TNPO3: variants seen among roughly 807,000 people sequenced by gnomAD.
TNPO3 encodes the protein transportin-3.
A neutral mutation model predicts 122.8 loss-of-function variants in TNPO3; 65 were observed. The observed-to-expected ratio is 0.53, with a 90% CI of 0.43 to 0.65. The LOEUF (loss-of-function observed/expected upper bound fraction) is 0.65. Among genes scored for constraint, TNPO3 ranks in the 30% least tolerant of loss-of-function variants. The pLI, the probability that TNPO3 is intolerant of heterozygous loss-of-function variation, is 0.00. For synonymous variants in TNPO3, 372 were observed against 411.2 expected (o/e 0.90, Z 1.15); for missense variants, 850 against 1,136.7 (o/e 0.75, Z 3.63).
chr7:129,024,578 G>A (rs966627681), intron 1 of TNPO3, among the ~76,000 whole-genome samples: 2 of 152,058 alleles, frequency 1.3e-5, no homozygotes, highest in Non-Finnish European at 2.9e-5. Flanking sequence ...AATAACAAGG[G>A]AATCAAATCT....
chr7:129,045,497 GA>G (rs766170949), intron 1 of TNPO3, among the ~76,000 whole-genome samples: 25 of 84,782 alleles, frequency 2.9e-4, no homozygotes, highest in Non-Finnish European at 3.8e-4. Context: ...CCCTGTCTCA[GA>G]AAAAAAAAAA....
chr7:128,978,472 T>C (rs1799301757), intron 16 of TNPO3, among the ~76,000 whole-genome samples: 1 of 152,172 alleles, frequency 6.6e-6, no homozygotes, highest in Non-Finnish European at 1.5e-5. Context: ...TCACAGAATT[T>C]CACAATGGAC....
At chr7:128,955,935 C>T (rs542909014) in intron 22 of TNPO3, among the ~76,000 whole-genome samples, 8 of 152,272 alleles carry the variant, frequency 5.3e-5, no homozygotes, top group East Asian at 1.9e-4. Context: ...ATTGTTGAAC[C>T]TCAATTTCCT....
intron 1 of TNPO3, among the ~76,000 whole-genome samples, chr7:129,044,500 G>C (rs186039419): frequency 1.8e-4 from 28 of 152,270 alleles, no homozygotes; most frequent in African/African-American, 6.0e-4. Flanking sequence ...TTTCATTTTG[G>C]ATACTCTACC....
At chr7:129,032,799 A>G (rs1806102462) in intron 1 of TNPO3, among the ~76,000 whole-genome samples, 1 of 152,210 alleles carries the variant, frequency 6.6e-6, no homozygotes, top group Admixed American at 6.5e-5. Context: ...CTACAGATTC[A>G]ATGTAACCTT....
chr7:129,027,558 C>CAAAAAAAAAAAAAAAAAAAAAAA (rs71162549), intron 1 of TNPO3, among the ~76,000 whole-genome samples: 1 of 8,972 alleles, frequency 1.1e-4, no homozygotes, highest in Non-Finnish European at 1.8e-4. Context: ...AAGACTGTCT[C>CAAAAAAAAAAAAAAAAAAAAAAA]AAAAAAAAAA....
intron 21 of TNPO3, among the ~76,000 whole-genome samples, chr7:128,961,169 G>A (rs182441863): frequency 5.3e-5 from 8 of 152,068 alleles, no homozygotes; most frequent in South Asian, 2.1e-4. Context: ...GTCCTAGGCC[G>A]CCTATTCACT....
rs188168905 is a variant in TNPO3, at chr7:128,967,382, C to T, written c.2609G>A (p.Arg870Gln). 55 of 1,611,740 alleles carry T rather than the reference C, an allele frequency of 3.4e-5. No homozygotes were observed. Among genetic ancestry groups the T allele is most frequent in the Middle Eastern group, 1.7e-4 (1 of 6,056 alleles). The change falls in exon 21 of 23, where the codon CGA (arginine) becomes CAA (glutamine). Residue 870 changes from arginine (R) to glutamine (Q), a missense_variant. Arg to Gln is a conservative substitution (Grantham distance 43, BLOSUM62 1). Coordinates refer to ENST00000265388, the MANE Select transcript of TNPO3 (RefSeq NM_012470.4). ...IMQVDRPTFC[R>Q]WLENSLKGLP... The stretch of plus-strand genomic sequence containing the variant: ...ACCTTTTAAGGAATTTTCTAACCAT[C>T]GACAAAAAGTCTGTATAGGAAAGAG...
chr7:129,005,299 T>C, intron 4 of TNPO3, 140 bp from the exon 5 acceptor site: 2 of 790,294 alleles, frequency 2.5e-6, no homozygotes, highest in South Asian at 2.1e-5. Flanking sequence ...AGTTTAAGTG[T>C]CACTGTTTTT....
chr7:128,992,018 T>C lies in TNPO3; in HGVS notation c.1339A>G (p.Ile447Val), dbSNP rs749570438. The change falls in exon 10 of 23, where the codon ATA becomes GTA. Residue 447 changes from isoleucine to valine, a missense_variant. Ile to Val is a conservative substitution (Grantham distance 29). Transcript: ENST00000265388. ...TEAVLFIMAA[I>V]AKSVDPENNP... ...ACTCACGGATCAACACTCTTTGCTATAGCAGCCATGATAAAGAGAACCGCT... is the reference window on the plus strand; with the variant it reads ...ACTCACGGATCAACACTCTTTGCTACAGCAGCCATGATAAAGAGAACCGCT... 10 of 1,610,616 alleles carry C rather than the reference T, an allele frequency of 6.2e-6. No individual in the cohort carries two copies. In the Admixed American group the frequency reaches 1.3e-4, roughly 22 times the overall value.
chr7:128,980,003 G>A lies in TNPO3; in HGVS notation c.1888C>T (p.Gln630Ter). The change falls in exon 15 of 23, where the codon CAG becomes TAG. Residue 630 changes from glutamine (Q) to a stop codon, truncating the protein, a stop_gained. Coordinates refer to ENST00000265388, the MANE Select transcript of TNPO3 (RefSeq NM_012470.4). LOFTEE classifies it high-confidence loss of function. ...RHTNPIVENG[Q>*]THPCQKVIQE... ...ATGACTTTCTGACACGGATGAGTCT[G>A]TCCATTTTCCACAATGGGATTGGTA... The A allele has an allele frequency of 6.2e-7, 1 of 1,614,060 alleles. No homozygotes were observed. The highest frequency in any genetic ancestry group is 8.5e-7 in the Non-Finnish European group (1 of 1,179,972).
intron 9 of TNPO3, 144 bp from the exon 10 acceptor site, chr7:128,992,234 CTTT>C (rs1026278925): frequency 2.1e-6 from 1 of 473,208 alleles, no homozygotes; most frequent in East Asian, 3.5e-5. Context: ...ATATTATTTT[CTTT>C]TTTTTATATC....
intron 7 of TNPO3, 45 bp downstream of exon 7, chr7:129,000,384 C>A (rs1801807739): frequency 6.5e-7 from 1 of 1,527,352 alleles, no homozygotes; most frequent in South Asian, 1.3e-5. Flanking sequence ...TAATATGCAG[C>A]ACACAACTTG....
intron 1 of TNPO3, among the ~76,000 whole-genome samples, chr7:129,026,595 G>A (rs1417357863): frequency 1.3e-5 from 2 of 151,620 alleles, no homozygotes; most frequent in Non-Finnish European, 2.9e-5. Flanking sequence ...TAGAGACAGC[G>A]TTTCACCATG....
chr7:129,027,907 C>T (rs1417217692), intron 1 of TNPO3, among the ~76,000 whole-genome samples: 1 of 152,066 alleles, frequency 6.6e-6, no homozygotes, highest in Non-Finnish European at 1.5e-5. Context: ...AGAAATATAC[C>T]ACTCCTTAAA....
intron 10 of TNPO3, 72 bp downstream of exon 10, chr7:128,991,927 A>C: frequency 1.8e-6 from 2 of 1,119,998 alleles, no homozygotes; most frequent in South Asian, 3.0e-5. Context: ...CCATATAAGA[A>C]AAAAAAAATA....
At chr7:129,037,066 C>T (rs1251761213) in intron 1 of TNPO3, among the ~76,000 whole-genome samples, 1 of 152,084 alleles carries the variant, frequency 6.6e-6, no homozygotes, top group Non-Finnish European at 1.5e-5. Context: ...AAACAGAAAT[C>T]AGGAATGAAT....
chr7:129,017,877 G>T, intron 2 of TNPO3, 80 bp downstream of exon 2: 1 of 1,405,418 alleles, frequency 7.1e-7, no homozygotes, highest in African/African-American at 1.4e-5. Context: ...ACCTCACATG[G>T]CCTAGCAATA....
chr7:129,005,265 G>C, intron 4 of TNPO3, 106 bp from the exon 5 acceptor site: 1 of 1,098,316 alleles, frequency 9.1e-7, no homozygotes, highest in Non-Finnish European at 1.3e-6. Context: ...CAATAAAACA[G>C]CCAACGGTTA....
Sources: allele counts gnomAD v4.1 joint callset (sites outside exome capture counted in the v4.1 genomes callset), GRCh38; gene constraint gnomAD v4.1.1; transcripts MANE v1.5; gene names NCBI Gene and HGNC (gene_info 2026-07-23, HGNC 2026-07-21).